The following ZNF469 variants were observed in gnomAD, a reference collection of about 807,000 sequenced individuals.
ZNF469 encodes zinc finger protein 469.
In ZNF469, 1 loss-of-function variant was observed where a neutral mutation model predicts 1.0. The observed-to-expected ratio is 1.00, with a 90% CI of 0.35 to 4.73. The LOEUF is 4.73. Among genes scored for constraint, ZNF469 ranks in the 30% most tolerant of loss-of-function variants. The probability of loss-of-function intolerance (pLI) is 0.16; values close to 1 mark genes in which losing one functional copy is unlikely to be tolerated. For missense variants in ZNF469, 6,100 were observed against 5,356.3 expected, an observed-to-expected ratio of 1.14 and a Z score of -4.33; for synonymous variants, 2,703 against 2,363.4, an observed-to-expected ratio of 1.14 and a Z score of -4.17.
chr16:88,430,658 G>C lies in ZNF469; in HGVS notation c.3188G>C (p.Arg1063Pro), dbSNP rs928731575. 2 of 1,491,800 alleles carry C rather than the reference G, an allele frequency of 1.3e-6. No individual in the cohort carries two copies. Among genetic ancestry groups the C allele is most frequent in the South Asian group, 1.3e-5 (1 of 79,128 alleles). The allele number at this position is 1,491,800 out of a possible 1,614,324, so 92.4% of individuals were successfully genotyped here. ...GTGCAGCAGAAGAACAGGCGCCACCGGCGGCTGGGGCGGCGGGCGGGCAGG... is the reference window on the plus strand; with the variant it reads ...GTGCAGCAGAAGAACAGGCGCCACCCGCGGCTGGGGCGGCGGGCGGGCAGG... ...KIVQQKNRRH[R>P]RLGRRAGRCG... Residue 1063 changes from arginine (R) to proline (P), a missense_variant, in exon 3 of 3, where the codon CGG becomes CCG. Transcript: ENST00000565624.
the ZNF469 span, among the ~76,000 whole-genome samples, chr16:88,139,137 G>C: frequency 6.6e-6 from 1 of 152,172 alleles, no homozygotes; most frequent in Non-Finnish European, 1.5e-5. Context: ...GAGATCCTGA[G>C]AATTGTGATG....
At chr16:88,243,928 ATATATATATATATATATATAT>A in the ZNF469 span, among the ~76,000 whole-genome samples, 17 of 97,572 alleles carry the variant, frequency 1.7e-4, no homozygotes, top group Admixed American at 5.3e-4. Context: ...ATATATATAT[ATATATATATATATATATATAT>A]ATAAATGTAT....
Position 88,437,964 on chromosome 16 carries a change from C to T in ZNF469, c.10494C>T (p.Pro3498=). ...EDRPPPRGSS[P]ILSEGSLPAL... is the part of the protein sequence containing the mutation. ...GGCCTCCTCCCCGGGGAAGCAGCCC[C>T]ATCCTGAGTGAGGGCTCTCTCCCGG... Residue 3498 remains proline (P), a synonymous_variant, in exon 3 of 3, where the codon CCC becomes CCT. Coordinates refer to ENST00000565624, the MANE Select transcript of ZNF469 (RefSeq NM_001367624.2). 1 of 1,546,880 alleles carries T rather than the reference C, an allele frequency of 6.5e-7. No homozygotes were observed. Among genetic ancestry groups the T allele is most frequent in the Non-Finnish European group, 8.7e-7 (1 of 1,146,498 alleles).
At chr16:88,216,891 T>C in the ZNF469 span, among the ~76,000 whole-genome samples, 1 of 152,146 alleles carries the variant, frequency 6.6e-6, no homozygotes, top group Non-Finnish European at 1.5e-5. Flanking sequence ...TTACCAAGTC[T>C]GTCTTCTTCT....
At chr16:88,341,630 C>G in the ZNF469 span, among the ~76,000 whole-genome samples, 1 of 152,232 alleles carries the variant, frequency 6.6e-6, no homozygotes, top group African/African-American at 2.4e-5. Context: ...AGGGTGGCAG[C>G]AGGCAGGCCC....
At chr16:88,144,116 G>A in the ZNF469 span, among the ~76,000 whole-genome samples, 199 of 152,346 alleles carry the variant, frequency 1.3e-3, no homozygotes, top group African/African-American at 4.3e-3. Flanking sequence ...GAAGAGGTAC[G>A]CCCGGGGCCG....
the ZNF469 span, among the ~76,000 whole-genome samples, chr16:88,275,493 G>A: frequency 1.3e-5 from 2 of 152,226 alleles, no homozygotes; most frequent in South Asian, 4.1e-4. Context: ...CACAGCTCCT[G>A]CCGCCACCCA....
At chr16:88,325,632 G>A in the ZNF469 span, among the ~76,000 whole-genome samples, 1 of 152,228 alleles carries the variant, frequency 6.6e-6, no homozygotes, top group Non-Finnish European at 1.5e-5. Flanking sequence ...TGCCACTTAG[G>A]GCTCCTGGTC....
Position 88,439,169 on chromosome 16 carries a change from C to T in ZNF469, c.11699C>T (p.Pro3900Leu), listed in dbSNP as rs273585630. The change falls in exon 3 of 3, where the codon CCC becomes CTC. Residue 3900 changes from proline (P) to leucine (L), a missense_variant. By Grantham distance (98) the Pro-to-Leu change is moderately conservative. Transcript: ENST00000565624. ...RLGKAFPQGR[P>L]LLRPPKRGTA... ...GGCAAGGCCTTCCCCCAGGGGAGAC[C>T]CCTGCTCAGGCCCCCCAAGAGGGGC... is the stretch of plus-strand genomic sequence containing the variant. The T allele has an allele frequency of 6.4e-7, 1 of 1,550,524 alleles. No individual in the cohort carries two copies. The highest frequency in any genetic ancestry group is 2.4e-5 in the East Asian group (1 of 40,928).
the ZNF469 span, among the ~76,000 whole-genome samples, chr16:88,368,303 G>C: frequency 6.6e-6 from 1 of 152,356 alleles, no homozygotes; most frequent in South Asian, 2.1e-4. Flanking sequence ...ATGTGGGACA[G>C]GGTACAGGTG....
the ZNF469 span, among the ~76,000 whole-genome samples, chr16:88,123,719 T>C: frequency 6.6e-6 from 1 of 152,238 alleles, no homozygotes; most frequent in African/African-American, 2.4e-5. Flanking sequence ...TTTCTAGTTT[T>C]TTCATTTTCT....
chr16:88,229,703 A>G, the ZNF469 span, among the ~76,000 whole-genome samples: 92 of 148,584 alleles, frequency 6.2e-4, no homozygotes, highest in South Asian at 6.0e-3. Flanking sequence ...TGGATGTCAC[A>G]CGTGTGTGCT....
Position 88,428,485 on chromosome 16 carries a change from C to A in ZNF469, c.1015C>A (p.Gln339Lys). The A allele has an allele frequency of 2.6e-6, 4 of 1,549,514 alleles. No individual in the cohort carries two copies. The highest frequency in any genetic ancestry group is 3.5e-6 in the Non-Finnish European group (4 of 1,146,802). The change falls in exon 3 of 3, where the codon CAG becomes AAG. Residue 339 changes from glutamine to lysine, a missense_variant. By Grantham distance (53) the Gln-to-Lys change is moderately conservative. Transcript: ENST00000565624. ...TGCGCCCTCACCCCTGCCCTGCTAC[C>A]AGGGCCAGCCAGGTGGCCTGAACCG... ...QPAPSPLPCY[Q>K]GQPGGLNRHS...
the ZNF469 span, among the ~76,000 whole-genome samples, chr16:88,140,471 G>A: frequency 0.032 from 4,793 of 152,086 alleles, 95 homozygotes; most frequent in Non-Finnish European, 0.046. Flanking sequence ...GGGGTAGCAC[G>A]GAAAGTCAGT....
chr16:88,297,304 G>A, the ZNF469 span, among the ~76,000 whole-genome samples: 11 of 152,306 alleles, frequency 7.2e-5, no homozygotes, highest in Admixed American at 3.3e-4. Flanking sequence ...AAGAGGTTCC[G>A]TTGCTCAGCA....
At chr16:88,354,395 C>T in the ZNF469 span, among the ~76,000 whole-genome samples, 6 of 152,074 alleles carry the variant, frequency 3.9e-5, no homozygotes, top group Admixed American at 1.3e-4. Flanking sequence ...ACGCAGGCGG[C>T]GGGAGTGGAG....
At chr16:88,227,265 G>A in the ZNF469 span, among the ~76,000 whole-genome samples, 27 of 152,290 alleles carry the variant, frequency 1.8e-4, no homozygotes, top group East Asian at 5.0e-3. Flanking sequence ...TGTCTCCCCA[G>A]GGCCGGGAAC....
the ZNF469 span, among the ~76,000 whole-genome samples, chr16:88,191,232 C>T: frequency 1.3e-5 from 2 of 152,174 alleles, no homozygotes; most frequent in Non-Finnish European, 2.9e-5. Flanking sequence ...TGCAGTTCTA[C>T]TCTTTCCTTT....
the ZNF469 span, among the ~76,000 whole-genome samples, chr16:88,210,368 T>A: frequency 3.9e-5 from 6 of 152,224 alleles, no homozygotes; most frequent in African/African-American, 1.4e-4. Context: ...CGGTATTTTT[T>A]AACCATGGAA....
Sources: gnomAD v4.1 joint callset for allele counts (sites outside exome capture counted in the v4.1 genomes callset) on GRCh38, gnomAD v4.1.1 for gene constraint, MANE v1.5 for transcripts, NCBI Gene and HGNC (gene_info 2026-07-23, HGNC 2026-07-21) for gene names.